Variants in CFH observed in about 807,000 individuals in gnomAD.
CFH encodes complement factor H.
A neutral mutation model predicts 147.3 loss-of-function variants in CFH; 53 were observed. The ratio of observed to expected loss-of-function variants is 0.36; its 90% CI spans 0.29 to 0.45. The LOEUF is 0.45. Among genes scored for constraint, CFH ranks in the 20% least tolerant of loss-of-function variants. CFH has a pLI of 1.00. For missense variants in CFH, 1,380 were observed against 1,498.0 expected, an observed-to-expected ratio of 0.92 and a Z score of 1.30; for synonymous variants, 536 against 489.4, an observed-to-expected ratio of 1.10 and a Z score of -1.26.
intron 11 of CFH, among the ~76,000 whole-genome samples, chr1:196,716,775 C>G (rs1240158551): frequency 6.6e-6 from 1 of 152,046 alleles, no homozygotes; most frequent in Non-Finnish European, 1.5e-5. Flanking sequence ...ATGGCAATAA[C>G]CATTTTGTAA....
chr1:196,692,779 TTTCTTTCTTTCTTTCTTTCTTTCTTTC>T (rs1668097385), intron 9 of CFH, among the ~76,000 whole-genome samples: 1 of 105,318 alleles, frequency 9.5e-6, no homozygotes. Flanking sequence ...TCTTTCTTTC[TTTCTTTCTTTCTTTCTTTCTTTCTTTC>T]TTTCTTTCTT....
At position 196,726,941 on chromosome 1, in the gene CFH, G is replaced by C. The variant is rs1274067311; in HGVS notation, c.2236+1G>C. 1.9e-6 allele frequency: 3 copies of C among 1,610,836 alleles called. No individual in the cohort carries two copies. The highest frequency in any genetic ancestry group is 2.5e-6 in the Non-Finnish European group (3 of 1,177,158). ...TGGACCCAACTTCCCCAGTGTGTGGGTGAGAATACCCTTCTTAAATCAACA... is the reference window on the plus strand; with the variant it reads ...TGGACCCAACTTCCCCAGTGTGTGGCTGAGAATACCCTTCTTAAATCAACA... On this transcript the variant is annotated splice_donor_variant, in intron 14 of 21. Transcript: ENST00000367429. LOFTEE classifies it high-confidence loss of function.
chr1:196,673,871 C>A lies in CFH; in HGVS notation c.259C>A (p.His87Asn). 1 of 1,612,354 alleles carries A rather than the reference C, an allele frequency of 6.2e-7. No homozygotes were observed. Among genetic ancestry groups the A allele is most frequent in the Non-Finnish European group, 8.5e-7 (1 of 1,178,794 alleles). Residue 87 changes from histidine (H) to asparagine (N), a missense_variant, in exon 3 of 22, where the codon CAT becomes AAT. Transcript: ENST00000367429. ...LRKCQKRPCG[H>N]PGDTPFGTFT... ...TTTCGTTTTAGAAAGGCCCTGTGGA[C>A]ATCCTGGAGATACTCCTTTTGGTAC...
rs1393292630 is a variant in CFH, at chr1:196,736,429, A to G, written c.2414-395A>G. Among the ~76,000 whole-genome samples the G allele has an allele frequency of 2.0e-5, 3 of 152,214 alleles. No homozygotes were observed. In the East Asian group the frequency reaches 5.8e-4, roughly 29 times the overall value. ...GTGAGTGTTTTAATCCAATCCTGATACATTTGATTATAGATATCAATTTTT... is the reference window on the plus strand; with the variant it reads ...GTGAGTGTTTTAATCCAATCCTGATGCATTTGATTATAGATATCAATTTTT... On this transcript the variant is annotated intron_variant, in intron 15 of 21. Coordinates refer to ENST00000367429, the MANE Select transcript of CFH (RefSeq NM_000186.4).
chr1:196,678,237 CTAAA>C (rs1314134354), intron 5 of CFH: 1 of 154,356 alleles, frequency 6.5e-6, no homozygotes, highest in African/African-American at 2.4e-5. Flanking sequence ...ACAGAATCCA[CTAAA>C]TAAATTGTTG....
At chr1:196,661,012 T>G (rs1340561222) in intron 1 of CFH, among the ~76,000 whole-genome samples, 2 of 152,242 alleles carry the variant, frequency 1.3e-5, no homozygotes. Flanking sequence ...CAAATGGATC[T>G]AAATTTTGAA....
chr1:196,728,265 T>C (rs968805289), intron 14 of CFH, 81 bp from the exon 15 acceptor site: 9 of 1,008,608 alleles, frequency 8.9e-6, no homozygotes, highest in Middle Eastern at 3.4e-4. Context: ...GCTAATACTA[T>C]TTACTTTATA....
chr1:196,687,549 G>A (rs1239757289), intron 7 of CFH, among the ~76,000 whole-genome samples: 4 of 151,828 alleles, frequency 2.6e-5, no homozygotes, highest in African/African-American at 4.8e-5. Flanking sequence ...ACTCATACTT[G>A]CTTTGAAATC....
At chr1:196,681,119 A>T (rs963491560) in intron 6 of CFH, among the ~76,000 whole-genome samples, 1 of 151,814 alleles carries the variant, frequency 6.6e-6, no homozygotes, top group Non-Finnish European at 1.5e-5. Flanking sequence ...GCCCCTCTCA[A>T]ATCTATAGTG....
In CFH at chr1:196,730,411, T is replaced by C. The variant is rs187717682; in HGVS notation, c.2413+1889T>C. On this transcript the variant is annotated intron_variant, in intron 15 of 21. Coordinates refer to ENST00000367429, the MANE Select transcript of CFH (RefSeq NM_000186.4). ...TCCATAGTTCCTCCTATTATTGATT[T>C]CTCATTTCATACCTTTGTTGTCAGA... 7.6e-4 allele frequency among the ~76,000 whole-genome samples: 116 copies of C among 152,032 alleles called. 1 individual carries two copies. In the East Asian group the frequency reaches 0.02, roughly 27 times the overall value.
In CFH at chr1:196,743,423, G is replaced by A. The variant is rs554085877; in HGVS notation, c.3134-29G>A. 16 of 1,613,682 alleles carry A rather than the reference G, an allele frequency of 9.9e-6. No homozygotes were observed. In the South Asian group the frequency reaches 1.5e-4, roughly 16 times the overall value. On this transcript the variant is annotated intron_variant, in intron 19 of 21. Coordinates refer to ENST00000367429, the MANE Select transcript of CFH (RefSeq NM_000186.4). The stretch of plus-strand genomic sequence containing the variant: ...ATTTGCTACTCAAAATGAACACTAG[G>A]TGGAACCACTTCTTTTTTTTCTATT...
chr1:196,723,346 TAG>T (rs1293242145), intron 11 of CFH, among the ~76,000 whole-genome samples: 1 of 152,166 alleles, frequency 6.6e-6, no homozygotes. Flanking sequence ...GTACCTTGGT[TAG>T]AGATAACTTT....
chr1:196,731,067 C>T (rs936598723), intron 15 of CFH, among the ~76,000 whole-genome samples: 1 of 151,568 alleles, frequency 6.6e-6, no homozygotes. Flanking sequence ...TATTCCATTT[C>T]CATTTAAAGT....
At position 196,677,666 on chromosome 1, in the gene CFH, G is replaced by T. The variant is rs749780651; in HGVS notation, c.618G>T (p.Val206=). ...GFWSKEKPKC[V]EISCKSPDVI... ...GGAGTAAAGAGAAACCAAAGTGTGT[G>T]GGTAAGATACACTTACTGTTTTAGT... is the stretch of plus-strand genomic sequence containing the variant. The change falls in exon 5 of 22, where the codon GTG becomes GTT. Residue 206 remains valine, a splice_region_variant and synonymous_variant. Coordinates refer to ENST00000367429, the MANE Select transcript of CFH (RefSeq NM_000186.4). 2 of 1,610,590 alleles carry T rather than the reference G, an allele frequency of 1.2e-6. No homozygotes were observed. Among genetic ancestry groups the T allele is most frequent in the African/African-American group, 2.7e-5 (2 of 74,776 alleles).
chr1:196,657,612 T>C (rs1666748831), intron 1 of CFH, among the ~76,000 whole-genome samples: 1 of 152,184 alleles, frequency 6.6e-6, no homozygotes, highest in Non-Finnish European at 1.5e-5. Context: ...ATTGAATAAA[T>C]AGTATTACTA....
chr1:196,698,624 A>G (rs1668358567), intron 9 of CFH, among the ~76,000 whole-genome samples: 1 of 152,224 alleles, frequency 6.6e-6, no homozygotes, highest in Non-Finnish European at 1.5e-5. Flanking sequence ...AGATGGATTT[A>G]CAGCCAAATT....
chr1:196,694,580 A>C (rs1341463190), intron 9 of CFH, among the ~76,000 whole-genome samples: 1 of 152,174 alleles, frequency 6.6e-6, no homozygotes, highest in African/African-American at 2.4e-5. Context: ...GAGTTGCCAC[A>C]CTGTCTTCCA....
At chr1:196,687,118 G>A (rs1251773746) in intron 7 of CFH, among the ~76,000 whole-genome samples, 2 of 151,904 alleles carry the variant, frequency 1.3e-5, no homozygotes, top group African/African-American at 4.8e-5. Flanking sequence ...CTAAGATCCT[G>A]GACTTGGGTC....
At chr1:196,668,072 T>A (rs546105478) in intron 1 of CFH, among the ~76,000 whole-genome samples, 1 of 152,158 alleles carries the variant, frequency 6.6e-6, no homozygotes, top group Non-Finnish European at 1.5e-5. Context: ...GGCTCTTTTT[T>A]ATTTGAGTAA....
Sources: allele counts gnomAD v4.1 joint callset (sites outside exome capture counted in the v4.1 genomes callset), GRCh38; gene constraint gnomAD v4.1.1; transcripts MANE v1.5; gene names NCBI Gene and HGNC (gene_info 2026-07-23, HGNC 2026-07-21).